DPP6: variants seen among roughly 807,000 people sequenced by gnomAD.
DPP6 encodes dipeptidyl peptidase like 6, also known as A-type potassium channel modulatory protein DPP6.
DPP6 carries 69 observed loss-of-function variants against 122.6 expected under a neutral mutation model. The observed-to-expected ratio is 0.56, with a 90% CI of 0.46 to 0.69. The LOEUF is 0.69. Among genes scored for constraint, DPP6 ranks in the 30% least tolerant of loss-of-function variants. The pLI is 0.00. For missense variants in DPP6, 928 were observed against 1,116.9 expected (o/e 0.83, Z 2.41); for synonymous variants, 418 against 433.1 (o/e 0.97, Z 0.43).
intron 1 of DPP6, among the ~76,000 whole-genome samples, chr7:154,301,406 T>C (rs2150980332): frequency 6.6e-6 from 1 of 152,280 alleles, no homozygotes; most frequent in African/African-American, 2.4e-5. Flanking sequence ...GAGTTGCTTT[T>C]CCTGCAGCCC....
intron 8 of DPP6, among the ~76,000 whole-genome samples, chr7:154,764,214 G>T (rs1181218145): frequency 6.6e-6 from 1 of 152,136 alleles, no homozygotes; most frequent in African/African-American, 2.4e-5. Context: ...TCTTCATCTT[G>T]TGAATGGAAT....
At chr7:153,926,536 G>A (rs191532588) in intron 1 of DPP6, among the ~76,000 whole-genome samples, 238 of 152,278 alleles carry the variant, frequency 1.6e-3, no homozygotes, top group African/African-American at 5.5e-3. Flanking sequence ...GATGGTACAG[G>A]TGTCAGAAGG....
At chr7:154,834,842 G>A (rs1266166165) in intron 16 of DPP6, among the ~76,000 whole-genome samples, 3 of 152,330 alleles carry the variant, frequency 2.0e-5, no homozygotes, top group Non-Finnish European at 4.4e-5. Context: ...AGTTGTCTAC[G>A]GTCTGAGAAA....
At chr7:153,936,455 G>A (rs1004994295) in intron 1 of DPP6, among the ~76,000 whole-genome samples, 4 of 152,050 alleles carry the variant, frequency 2.6e-5, no homozygotes, top group African/African-American at 9.7e-5. Flanking sequence ...ATAGATAGAC[G>A]GTGTTCCCAT....
At chr7:154,210,973 AAC>A (rs1402407647) in intron 1 of DPP6, among the ~76,000 whole-genome samples, 1 of 152,206 alleles carries the variant, frequency 6.6e-6, no homozygotes, top group Non-Finnish European at 1.5e-5. Context: ...TAGAAAAAGA[AAC>A]AGGCCTGGAG....
intron 16 of DPP6, among the ~76,000 whole-genome samples, chr7:154,827,502 C>T (rs1045135365): frequency 1.3e-5 from 2 of 152,038 alleles, no homozygotes; most frequent in African/African-American, 4.8e-5. Context: ...GTGGAGTCAG[C>T]CCTGGGCAGG....
At chr7:154,804,469 C>T (rs976494366) in intron 14 of DPP6, among the ~76,000 whole-genome samples, 1 of 152,204 alleles carries the variant, frequency 6.6e-6, no homozygotes, top group African/African-American at 2.4e-5. Flanking sequence ...CCTCCCTGCT[C>T]CTGGGGTAAA....
At chr7:154,472,318 C>T (rs890543245) in intron 2 of DPP6, among the ~76,000 whole-genome samples, 1 of 152,192 alleles carries the variant, frequency 6.6e-6, no homozygotes, top group Non-Finnish European at 1.5e-5. Flanking sequence ...GTCTGCCACG[C>T]CAATGCCAAC....
chr7:153,946,200 T>G (rs1801939990), intron 1 of DPP6, among the ~76,000 whole-genome samples: 1 of 152,166 alleles, frequency 6.6e-6, no homozygotes. Flanking sequence ...GAAACTTGAT[T>G]AGAGAAATAA....
At chr7:154,208,885 C>T (rs1049474952) in intron 1 of DPP6, among the ~76,000 whole-genome samples, 2 of 152,134 alleles carry the variant, frequency 1.3e-5, no homozygotes, top group Non-Finnish European at 2.9e-5. Context: ...AATATGTAGG[C>T]TTTAAAGATT....
At chr7:153,754,967 A>C in the DPP6 span, among the ~76,000 whole-genome samples, 4 of 151,986 alleles carry the variant, frequency 2.6e-5, no homozygotes, top group Admixed American at 1.3e-4. Flanking sequence ...ATAATACTTT[A>C]AAACTCTTGT....
chr7:154,280,246 A>G (rs1444161044), intron 1 of DPP6, among the ~76,000 whole-genome samples: 1 of 152,246 alleles, frequency 6.6e-6, no homozygotes, highest in East Asian at 1.9e-4. Context: ...CTAAAATGCA[A>G]ACGTCACTTG....
intron 1 of DPP6, among the ~76,000 whole-genome samples, chr7:154,221,201 T>TA (rs1214462829): frequency 6.6e-6 from 1 of 152,092 alleles, no homozygotes; most frequent in Non-Finnish European, 1.5e-5. Flanking sequence ...AGTGCAGTGG[T>TA]ACGACCTCGG....
chr7:154,472,875 T>G (rs1219715669), intron 2 of DPP6, among the ~76,000 whole-genome samples: 1 of 152,212 alleles, frequency 6.6e-6, no homozygotes, highest in Non-Finnish European at 1.5e-5. Context: ...TATAGAAGTC[T>G]TAAGTGTTTT....
intron 19 of DPP6, among the ~76,000 whole-genome samples, chr7:154,874,021 CAT>C (rs1804635289): frequency 6.6e-6 from 1 of 151,662 alleles, no homozygotes; most frequent in African/African-American, 2.4e-5. Context: ...CATGCACACA[CAT>C]ACGTGTGCAT....
chr7:154,891,772 G>C (rs1328067928), intron 25 of DPP6, among the ~76,000 whole-genome samples: 2 of 152,136 alleles, frequency 1.3e-5, no homozygotes, highest in Non-Finnish European at 2.9e-5. Flanking sequence ...TTTTAGTAGA[G>C]ACACGGTTTT....
intron 5 of DPP6, among the ~76,000 whole-genome samples, chr7:154,575,123 G>GGT (rs1157834461): frequency 1.1e-4 from 16 of 142,900 alleles, no homozygotes; most frequent in Non-Finnish European, 2.3e-4. Context: ...GTGTGTGTGT[G>GGT]GTGTGTGTGT....
intron 1 of DPP6, among the ~76,000 whole-genome samples, chr7:154,370,252 G>A (rs1812540306): frequency 6.6e-6 from 1 of 152,108 alleles, no homozygotes; most frequent in African/African-American, 2.4e-5. Flanking sequence ...CAAATTGCTA[G>A]GATTATAGGC....
intron 1 of DPP6, among the ~76,000 whole-genome samples, chr7:154,371,294 A>G (rs1448215133): frequency 7.0e-6 from 1 of 142,918 alleles, no homozygotes; most frequent in Admixed American, 7.6e-5. Flanking sequence ...CAGAAGAATC[A>G]CTTGAACCTG....
Sources: allele counts gnomAD v4.1 joint callset (sites outside exome capture counted in the v4.1 genomes callset), GRCh38; gene constraint gnomAD v4.1.1; transcripts MANE v1.5; gene names NCBI Gene and HGNC (gene_info 2026-07-23, HGNC 2026-07-21).